PPP1R1C: variants seen among roughly 807,000 people sequenced by gnomAD.
PPP1R1C encodes protein phosphatase 1 regulatory subunit 1C.
In PPP1R1C, 15 loss-of-function variants were observed where a neutral mutation model predicts 17.4. The observed-to-expected ratio is 0.86, with a 90% CI of 0.58 to 1.33. The LOEUF (loss-of-function observed/expected upper bound fraction) is 1.33, where lower values mean the gene tolerates loss of function less well. PPP1R1C is among the 40% of genes most tolerant of loss of function. The pLI, the probability that PPP1R1C is intolerant of heterozygous loss-of-function variation, is 0.00. For synonymous variants in PPP1R1C, 35 were observed against 43.1 expected (o/e 0.81, Z 0.73); for missense variants, 143 against 130.0 (o/e 1.10, Z -0.48).
At position 181,955,570 on chromosome 2, in the gene PPP1R1C, C is replaced by T. The variant is rs562980018; in HGVS notation, n.111+936C>T. On this transcript the variant is annotated intron_variant and non_coding_transcript_variant, in intron 1 of 5. Coordinates refer to the PPP1R1C transcript ENST00000464264. ...TTTCTATTTTAGAGTGTTTTCTAGG[C>T]AATATGTGGTAATTCAAAGAGATCA... Among the ~76,000 whole-genome samples the T allele has an allele frequency of 2.6e-5, 4 of 152,262 alleles. No homozygotes were observed. The South Asian group carries it at 8.3e-4, about 32-fold the overall frequency.
At chr2:182,082,837 T>G (rs1688519831) in intron 4 of PPP1R1C, among the ~76,000 whole-genome samples, 1 of 152,110 alleles carries the variant, frequency 6.6e-6, no homozygotes, top group Non-Finnish European at 1.5e-5. Flanking sequence ...GGATTCCAGT[T>G]AGCAATGCTT....
chr2:182,082,596 G>C (rs1282396552), intron 4 of PPP1R1C, among the ~76,000 whole-genome samples: 1 of 152,120 alleles, frequency 6.6e-6, no homozygotes, highest in African/African-American at 2.4e-5. Flanking sequence ...CGCTGGCTCT[G>C]CATCTGAGTC....
At chr2:182,061,372 A>C (rs916263223) in intron 2 of PPP1R1C, 70 bp from the exon 3 acceptor site, 1 of 1,061,230 alleles carries the variant, frequency 9.4e-7, no homozygotes. Flanking sequence ...CGTGTTGTTG[A>C]AAATGTTAAT....
At chr2:182,082,253 T>G (rs1218897226) in intron 4 of PPP1R1C, among the ~76,000 whole-genome samples, 1 of 152,200 alleles carries the variant, frequency 6.6e-6, no homozygotes, top group Non-Finnish European at 1.5e-5. Context: ...AAATTGGAAG[T>G]CATTTGCATT....
intron 3 of PPP1R1C, among the ~76,000 whole-genome samples, chr2:182,061,961 C>G (rs1200271957): frequency 6.6e-6 from 1 of 152,100 alleles, no homozygotes; most frequent in Non-Finnish European, 1.5e-5. Flanking sequence ...GATTTAAATT[C>G]AGCAGGCTGT....
At chr2:182,121,651 C>A (rs1452012107), downstream of PPP1R1C, among the ~76,000 whole-genome samples, 1 of 151,992 alleles carries the variant, frequency 6.6e-6, no homozygotes, top group Non-Finnish European at 1.5e-5. Flanking sequence ...CCACGCCCAG[C>A]TGATTTTTGT....
chr2:182,061,393 C>T (rs758861078), intron 2 of PPP1R1C, 49 bp from the exon 3 acceptor site: 1 of 1,197,986 alleles, frequency 8.3e-7, no homozygotes, highest in South Asian at 1.5e-5. Flanking sequence ...ATATATATTA[C>T]AAGAAAGAAT....
At chr2:182,031,186 G>T (rs528449091) in intron 2 of PPP1R1C, among the ~76,000 whole-genome samples, 24 of 152,328 alleles carry the variant, frequency 1.6e-4, no homozygotes, top group African/African-American at 5.8e-4. Context: ...CATAGCTCAC[G>T]CTGGGAGCTG....
chr2:182,018,210 C>T (rs1686315503), intron 2 of PPP1R1C, among the ~76,000 whole-genome samples: 1 of 152,100 alleles, frequency 6.6e-6, no homozygotes. Context: ...AGTATAATTC[C>T]TAAGTCTAGT....
intron 4 of PPP1R1C, among the ~76,000 whole-genome samples, chr2:182,113,274 T>G (rs1380285386): frequency 1.3e-5 from 2 of 152,208 alleles, no homozygotes; most frequent in East Asian, 3.8e-4. Context: ...CTATTTCTGC[T>G]CTTGGAAGCT....
chr2:181,990,443 T>A (rs1559047737), intron 2 of PPP1R1C, among the ~76,000 whole-genome samples: 1 of 152,126 alleles, frequency 6.6e-6, no homozygotes. Flanking sequence ...GCGCCCGGCC[T>A]CCAAGCTTTA....
chr2:182,074,893 A>C (rs1427851727), intron 4 of PPP1R1C, among the ~76,000 whole-genome samples: 4 of 152,230 alleles, frequency 2.6e-5, no homozygotes, highest in Non-Finnish European at 5.9e-5. Context: ...TCTGTGCAAC[A>C]TTCTGAGATC....
rs1026788665 is a variant in PPP1R1C at position 181,992,794 on chromosome 2, A to G, written c.142+4895A>G. ...GTGTCAAATATCCTTTGAAATCAAGAATAAAAACAAAGGTTGTTCTCACAT... is the reference window on the plus strand; with the variant it reads ...GTGTCAAATATCCTTTGAAATCAAGGATAAAAACAAAGGTTGTTCTCACAT... On this transcript the variant is annotated intron_variant, in intron 2 of 4. Coordinates refer to ENST00000682840, the MANE Select transcript of PPP1R1C (RefSeq NM_001080545.3). Among the ~76,000 whole-genome samples, 26 of 141,318 alleles carry G rather than the reference A, an allele frequency of 1.8e-4. 6 individuals are homozygous for G. Among genetic ancestry groups the G allele is most frequent in the African/African-American group, 7.1e-4 (26 of 36,878 alleles). The allele number at this position is 141,318 out of a possible 152,430, so 92.7% of individuals were successfully genotyped here.
intron 4 of PPP1R1C, among the ~76,000 whole-genome samples, chr2:182,064,432 G>A (rs1176064298): frequency 6.6e-6 from 1 of 152,074 alleles, no homozygotes; most frequent in Non-Finnish European, 1.5e-5. Flanking sequence ...GGTAGAGTCT[G>A]TCCAGTCTAC....
chr2:182,028,514 G>A (rs1345394804), intron 2 of PPP1R1C, among the ~76,000 whole-genome samples: 2 of 152,256 alleles, frequency 1.3e-5, no homozygotes, highest in African/African-American at 4.8e-5. Flanking sequence ...CCATGTAGTT[G>A]AGCGGTTTTG....
chr2:182,099,404 AAGT>A (rs140031094), intron 4 of PPP1R1C, among the ~76,000 whole-genome samples: 6,553 of 152,260 alleles, frequency 0.043, 474 homozygotes, highest in African/African-American at 0.15. Context: ...GAAATTTCCA[AAGT>A]CATCCCTCCT....
chr2:181,981,195 T>A (rs1685189232), upstream of PPP1R1C, among the ~76,000 whole-genome samples: 3 of 152,138 alleles, frequency 2.0e-5, no homozygotes, highest in South Asian at 6.2e-4. Flanking sequence ...CCCAAAGTGC[T>A]GGGATTACAG....
chr2:181,995,421 G>A (rs1202769821), intron 2 of PPP1R1C, among the ~76,000 whole-genome samples: 1 of 152,190 alleles, frequency 6.6e-6, no homozygotes, highest in East Asian at 1.9e-4. Flanking sequence ...GAAGCCACAT[G>A]AGGTAGTTGG....
At chr2:182,052,642 A>T (rs913717020) in intron 2 of PPP1R1C, among the ~76,000 whole-genome samples, 1 of 152,214 alleles carries the variant, frequency 6.6e-6, no homozygotes, top group Non-Finnish European at 1.5e-5. Flanking sequence ...AAGTGAGGCC[A>T]TCACCCCAAC....
Sources: gnomAD v4.1 joint callset for allele counts (sites outside exome capture counted in the v4.1 genomes callset) on GRCh38, gnomAD v4.1.1 for gene constraint, MANE v1.5 for transcripts, NCBI Gene and HGNC (gene_info 2026-07-23, HGNC 2026-07-21) for gene names.